AGFG1: variants seen among roughly 807,000 people sequenced by gnomAD.
AGFG1 encodes arf-GAP domain and FG repeat-containing protein 1.
A neutral mutation model predicts 60.6 loss-of-function variants in AGFG1; 10 were observed. The observed-to-expected ratio is 0.16, with a 90% CI of 0.10 to 0.28. The LOEUF is 0.28. AGFG1 is among the 10% of genes least tolerant of loss of function. The probability of loss-of-function intolerance (pLI) is 1.00; values close to 1 mark genes in which losing one functional copy is unlikely to be tolerated. For synonymous variants in AGFG1, 247 were observed against 242.9 expected (o/e 1.02, Z -0.16); for missense variants, 537 against 676.5 (o/e 0.79, Z 2.29).
chr2:227,519,141 G>A (rs1414736043), intron 2 of AGFG1, among the ~76,000 whole-genome samples: 1 of 152,140 alleles, frequency 6.6e-6, no homozygotes, highest in Admixed American at 6.5e-5. Context: ...ACTCCATCCT[G>A]GGTGATAGAG....
intron 1 of AGFG1, among the ~76,000 whole-genome samples, chr2:227,473,530 G>A (rs1162646257): frequency 2.0e-5 from 3 of 152,140 alleles, no homozygotes; most frequent in African/African-American, 4.8e-5. Context: ...GATGATTTGT[G>A]TTTGTTGTTC....
At position 227,534,829 on chromosome 2, in the gene AGFG1, T is replaced by C; in HGVS notation, c.1025-16T>C. Reference sequence around the variant, plus strand: ...ACTTTAAATTTTTGGTGTAACTTGATTTTGTTCGTTCCCAGGTGGTGATCA... The same window carrying C: ...ACTTTAAATTTTTGGTGTAACTTGACTTTGTTCGTTCCCAGGTGGTGATCA... On this transcript the variant is annotated splice_polypyrimidine_tract_variant and intron_variant, in intron 7 of 12. Coordinates refer to ENST00000310078, the MANE Select transcript of AGFG1 (RefSeq NM_004504.5). 6.2e-7 allele frequency: 1 copy of C among 1,606,526 alleles called. No individual in the cohort carries two copies. Among genetic ancestry groups the C allele is most frequent in the Non-Finnish European group, 8.5e-7 (1 of 1,176,304 alleles).
chr2:227,552,672 C>CTTTTTTT (rs199665905), intron 11 of AGFG1, among the ~76,000 whole-genome samples: 2 of 134,210 alleles, frequency 1.5e-5, no homozygotes, highest in Non-Finnish European at 3.2e-5. Flanking sequence ...TTTCTTTTTT[C>CTTTTTTT]TTTTTTTTTT....
rs962307651 is a variant in AGFG1, at chr2:227,561,190, A to G, written c.*6695A>G. On this transcript the variant is annotated 3_prime_UTR_variant, in exon 13 of 13. Transcript: ENST00000310078. Reference sequence around the variant, plus strand: ...AATACTGTTGGAAGAATTTTTTTCAAAATAAAGACTTCTGAATTTGTGTAC... The same window carrying G: ...AATACTGTTGGAAGAATTTTTTTCAGAATAAAGACTTCTGAATTTGTGTAC... The G allele has an allele frequency of 2.0e-5, 3 of 152,152 alleles. No homozygotes were observed. Among genetic ancestry groups the G allele is most frequent in the African/African-American group, 7.2e-5 (3 of 41,458 alleles). 9.4% of individuals were successfully genotyped at this position (152,152 alleles called of 1,614,324 possible).
intron 1 of AGFG1, among the ~76,000 whole-genome samples, chr2:227,473,855 A>C (rs1417152126): frequency 6.6e-6 from 1 of 152,232 alleles, no homozygotes; most frequent in Non-Finnish European, 1.5e-5. Context: ...TTATTTCTTC[A>C]GCAGACATTT....
chr2:227,478,106 G>A (rs1463527864), intron 1 of AGFG1, among the ~76,000 whole-genome samples: 3 of 150,718 alleles, frequency 2.0e-5, no homozygotes, highest in Non-Finnish European at 4.4e-5. Flanking sequence ...AATTTGGCAT[G>A]TGCATACTAC....
chr2:227,496,008 C>A (rs532777860), intron 2 of AGFG1, among the ~76,000 whole-genome samples: 11 of 149,928 alleles, frequency 7.3e-5, no homozygotes, highest in African/African-American at 2.7e-4. Context: ...ATCCCAGGTA[C>A]TTGGGAGACT....
At chr2:227,508,550 G>A in intron 2 of AGFG1, 2 of 462,236 alleles carry the variant, frequency 4.3e-6, no homozygotes, top group South Asian at 1.6e-5. Flanking sequence ...GAGGTAGGGA[G>A]GCAAGAACAC....
chr2:227,524,251 A>G (rs962231679), intron 4 of AGFG1, among the ~76,000 whole-genome samples: 2 of 152,120 alleles, frequency 1.3e-5, no homozygotes, highest in African/African-American at 2.4e-5. Context: ...ACATGAATCT[A>G]TGGTGACCAT....
intron 6 of AGFG1, chr2:227,532,088 T>C (rs1205617000): frequency 1.4e-6 from 2 of 1,436,982 alleles, no homozygotes; most frequent in Admixed American, 2.3e-5. Flanking sequence ...CAATTTTCTT[T>C]TTTGTTTTTT....
chr2:227,552,467 TC>T (rs2106245153), intron 11 of AGFG1, among the ~76,000 whole-genome samples: 1 of 152,308 alleles, frequency 6.6e-6, no homozygotes, highest in East Asian at 1.9e-4. Flanking sequence ...GATTTTTTTT[TC>T]CTTTCAGGAC....
chr2:227,521,601 C>T (rs1471040194), intron 3 of AGFG1, among the ~76,000 whole-genome samples: 1 of 152,064 alleles, frequency 6.6e-6, no homozygotes, highest in Non-Finnish European at 1.5e-5. Flanking sequence ...GACATTCTAC[C>T]CTGTAGGAAA....
chr2:227,528,610 A>G (rs1165840387), intron 5 of AGFG1, among the ~76,000 whole-genome samples: 1 of 152,208 alleles, frequency 6.6e-6, no homozygotes, highest in Middle Eastern at 3.2e-3. Flanking sequence ...ATGTAATGCA[A>G]AATTACTGAT....
intron 1 of AGFG1, among the ~76,000 whole-genome samples, chr2:227,486,473 T>C (rs1690642513): frequency 6.6e-6 from 1 of 152,202 alleles, no homozygotes; most frequent in Non-Finnish European, 1.5e-5. Context: ...ACTGCCTTAT[T>C]AACTTACATT....
intron 2 of AGFG1, among the ~76,000 whole-genome samples, chr2:227,513,409 A>T (rs533666994): frequency 1.3e-5 from 2 of 152,280 alleles, no homozygotes; most frequent in East Asian, 3.9e-4. Context: ...CAGCTGATTG[A>T]AGGAAAGGAG....
intron 2 of AGFG1, among the ~76,000 whole-genome samples, chr2:227,510,469 T>C (rs550569866): frequency 5.0e-4 from 76 of 152,126 alleles, no homozygotes; most frequent in Non-Finnish European, 7.8e-4. Context: ...AGTAGTACTT[T>C]AGAGAAGCAA....
rs1459182012 is a variant in AGFG1, at chr2:227,472,226, C to T, written c.-196C>T. ...CCCGGCTGTGCCGGTTGGTGTGGCC[C>T]GTCAGCCCGCGTACCACAGCGCCCG... On this transcript the variant is annotated 5_prime_UTR_variant, in exon 1 of 13. Transcript: ENST00000310078. 3 of 170,918 alleles carry T rather than the reference C, an allele frequency of 1.8e-5. No individual in the cohort carries two copies. The highest frequency in any genetic ancestry group is 1.7e-4 in the South Asian group (1 of 5,978). 10.6% of individuals were successfully genotyped at this position (170,918 alleles called of 1,614,324 possible).
At chr2:227,497,491 G>T (rs115749784) in intron 2 of AGFG1, among the ~76,000 whole-genome samples, 188 of 151,988 alleles carry the variant, frequency 1.2e-3, no homozygotes, top group Admixed American at 2.2e-3. Flanking sequence ...TCTTTCAGGA[G>T]TTTTTATACC....
At chr2:227,529,413 A>G (rs939089171) in intron 5 of AGFG1, among the ~76,000 whole-genome samples, 1 of 152,166 alleles carries the variant, frequency 6.6e-6, no homozygotes, top group African/African-American at 2.4e-5. Flanking sequence ...GGCAAATGAT[A>G]ATTATTCACA....
Sources: gnomAD v4.1 joint callset for allele counts (sites outside exome capture counted in the v4.1 genomes callset) on GRCh38, gnomAD v4.1.1 for gene constraint, MANE v1.5 for transcripts, NCBI Gene and HGNC (gene_info 2026-07-23, HGNC 2026-07-21) for gene names.